Variants in PDE7B observed in about 807,000 individuals in gnomAD.
The protein encoded by PDE7B is 3',5'-cyclic-AMP phosphodiesterase 7B.
Under a neutral mutation model 56.2 loss-of-function variants are expected in PDE7B, and 29 were observed. The ratio of observed to expected loss-of-function variants is 0.52; its 90% CI spans 0.38 to 0.70. PDE7B has a LOEUF of 0.70. Ranked by LOEUF, PDE7B falls within the 30% of genes least tolerant of loss-of-function variation. PDE7B has a pLI of 0.00. For missense variants in PDE7B, 490 were observed against 565.0 expected, an observed-to-expected ratio of 0.87 and a Z score of 1.35; for synonymous variants, 197 against 196.9, an observed-to-expected ratio of 1.00 and a Z score of 0.00.
At chr6:135,935,094 T>G (rs1774387976) in intron 1 of PDE7B, among the ~76,000 whole-genome samples, 8 of 87,872 alleles carry the variant, frequency 9.1e-5, no homozygotes, top group African/African-American at 4.0e-4. Context: ...ATATATAATA[T>G]ATATTTCTCT....
intron 2 of PDE7B, among the ~76,000 whole-genome samples, chr6:136,074,894 T>C (rs750532401): frequency 6.6e-6 from 1 of 152,168 alleles, no homozygotes; most frequent in Non-Finnish European, 1.5e-5. Flanking sequence ...CACATGGGAG[T>C]GCAGGGAGCT....
At chr6:135,852,583 T>C (rs1221471828) in intron 1 of PDE7B, among the ~76,000 whole-genome samples, 1 of 152,184 alleles carries the variant, frequency 6.6e-6, no homozygotes, top group Non-Finnish European at 1.5e-5. Context: ...AAAAATGAGC[T>C]CTGAAGAAAA....
At chr6:135,993,944 T>G (rs1775517393) in intron 2 of PDE7B, among the ~76,000 whole-genome samples, 1 of 152,156 alleles carries the variant, frequency 6.6e-6, no homozygotes, top group Non-Finnish European at 1.5e-5. Context: ...TATAATTAAC[T>G]TGAGTAAGCA....
intron 3 of PDE7B, among the ~76,000 whole-genome samples, chr6:136,109,724 T>G (rs147003526): frequency 6.6e-6 from 1 of 152,314 alleles, no homozygotes; most frequent in African/African-American, 2.4e-5. Context: ...ATCTTAGGTT[T>G]CTTTGCAAAC....
intron 1 of PDE7B, among the ~76,000 whole-genome samples, chr6:135,884,020 A>G (rs1231344906): frequency 2.0e-5 from 3 of 152,196 alleles, no homozygotes; most frequent in Admixed American, 6.6e-5. Context: ...GAATATGACT[A>G]TATTTTATAA....
chr6:136,048,252 G>A lies in PDE7B; in HGVS notation c.83-60479G>A, dbSNP rs139082146. Among the ~76,000 whole-genome samples, 1,090 of 152,288 alleles carry A rather than the reference G, an allele frequency of 7.2e-3. 10 individuals carry two copies. Among genetic ancestry groups the A allele is most frequent in the Middle Eastern group, 0.041 (12 of 294 alleles). On this transcript the variant is annotated intron_variant, in intron 2 of 12. Transcript: ENST00000308191. ...AGAAAGGAGATGATGGGCTGGGCGCGGTGGCTCACGGCTATAACATCAGCA... is the reference window on the plus strand; with the variant it reads ...AGAAAGGAGATGATGGGCTGGGCGCAGTGGCTCACGGCTATAACATCAGCA...
intron 2 of PDE7B, among the ~76,000 whole-genome samples, chr6:136,005,068 A>G (rs1775753287): frequency 6.6e-6 from 1 of 152,220 alleles, no homozygotes; most frequent in Non-Finnish European, 1.5e-5. Flanking sequence ...CAACTATCTG[A>G]TCTTTGACAA....
intron 2 of PDE7B, among the ~76,000 whole-genome samples, chr6:136,022,683 C>T (rs769951432): frequency 1.3e-5 from 2 of 152,196 alleles, no homozygotes; most frequent in Admixed American, 6.5e-5. Context: ...TGCAGTGATA[C>T]TCACTGTGCA....
chr6:135,893,463 TATC>T lies in PDE7B; in HGVS notation c.21+41447_21+41449del, dbSNP rs567185766. Among the ~76,000 whole-genome samples, 612 of 152,162 alleles carry T rather than the reference TATC, an allele frequency of 4.0e-3. 3 individuals are homozygous for T. Among genetic ancestry groups the T allele is most frequent in the Non-Finnish European group, 6.8e-3 (460 of 67,988 alleles). ...TGTGCCACATTTTCTTAATCCAGTC[TATC>T]ATTGTTGGACACTTGGGTTGGTTCC... On this transcript the variant is annotated intron_variant, in intron 1 of 12. Coordinates refer to ENST00000308191, the MANE Select transcript of PDE7B (RefSeq NM_018945.4).
At chr6:135,945,517 G>A (rs1774581576) in intron 1 of PDE7B, among the ~76,000 whole-genome samples, 1 of 152,026 alleles carries the variant, frequency 6.6e-6, no homozygotes, top group Non-Finnish European at 1.5e-5. Flanking sequence ...AAAAAAAATG[G>A]ATTGATTTGA....
chr6:136,108,125 C>CAAA (rs60727586), intron 2 of PDE7B, among the ~76,000 whole-genome samples: 1,786 of 108,520 alleles, frequency 0.016, 72 homozygotes, highest in African/African-American at 0.062. Context: ...GACTCCATGT[C>CAAA]AAAAAAAAAA....
intron 4 of PDE7B, among the ~76,000 whole-genome samples, chr6:136,148,399 A>G (rs1562505775): frequency 7.2e-6 from 1 of 138,316 alleles, no homozygotes; most frequent in Non-Finnish European, 1.5e-5. Context: ...AGGAAAGGAA[A>G]GAAAGAAGGA....
chr6:135,884,014 AT>A (rs1775657041), intron 1 of PDE7B, among the ~76,000 whole-genome samples: 1 of 152,222 alleles, frequency 6.6e-6, no homozygotes, highest in South Asian at 2.1e-4. Flanking sequence ...TACACTGAAT[AT>A]GACTATATTT....
In PDE7B at chr6:136,191,037, T is replaced by TA. The variant is rs1554286150; in HGVS notation, c.1127-576dup. 7.8e-4 allele frequency among the ~76,000 whole-genome samples: 112 copies of TA among 143,154 alleles called. 2 individuals are homozygous for TA. Among genetic ancestry groups the TA allele is most frequent in the African/African-American group, 2.8e-3 (99 of 34,816 alleles). The allele number at this position is 143,154 out of a possible 152,430, so 93.9% of individuals were successfully genotyped here. A position where few individuals can be genotyped will look rare whatever the true frequency, so the allele number is the denominator to read the frequency against. On this transcript the variant is annotated intron_variant, in intron 12 of 12. Transcript: ENST00000308191. Reference sequence around the variant, plus strand: ...ACTTTTTTTTTTTTTTTTTTTTTTTTACTTATATGTCTTTCTCCCTCTGCA... The same window carrying TA: ...ACTTTTTTTTTTTTTTTTTTTTTTTTAACTTATATGTCTTTCTCCCTCTGCA...
rs112390574 is a variant in PDE7B at position 135,981,538 on chromosome 6, C to CA, written c.82+34026dup. On this transcript the variant is annotated intron_variant, in intron 2 of 12. Coordinates refer to ENST00000308191, the MANE Select transcript of PDE7B (RefSeq NM_018945.4). Reference sequence around the variant, plus strand: ...AAATAAAATTACTACTTTTCAATTTCAAAAAAAAAAAACCGAGACACAAAT... The same window carrying CA: ...AAATAAAATTACTACTTTTCAATTTCAAAAAAAAAAAAACCGAGACACAAAT... Among the ~76,000 whole-genome samples, 722 of 137,438 alleles carry CA rather than the reference C, an allele frequency of 5.3e-3. 3 individuals carry two copies. Among genetic ancestry groups the CA allele is most frequent in the Non-Finnish European group, 6.6e-3 (415 of 62,722 alleles). The allele number at this position is 137,438 out of a possible 152,430, so 90.2% of individuals were successfully genotyped here. A position where few individuals can be genotyped will look rare whatever the true frequency, so the allele number is the denominator to read the frequency against.
intron 1 of PDE7B, among the ~76,000 whole-genome samples, chr6:135,884,590 C>T (rs1775668668): frequency 6.6e-6 from 1 of 152,168 alleles, no homozygotes; most frequent in African/African-American, 2.4e-5. Context: ...ATAACACTTG[C>T]TGGTCTTATT....
intron 2 of PDE7B, among the ~76,000 whole-genome samples, chr6:135,982,813 C>G (rs1775318450): frequency 6.6e-6 from 1 of 152,100 alleles, no homozygotes; most frequent in African/African-American, 2.4e-5. Flanking sequence ...TGCCATACTT[C>G]TGGCTCCTGG....
chr6:136,138,787 G>C (rs1280976667), intron 3 of PDE7B, among the ~76,000 whole-genome samples: 1 of 152,098 alleles, frequency 6.6e-6, no homozygotes, highest in African/African-American at 2.4e-5. Context: ...TTGCCCATCT[G>C]AGAGGGCAGG....
intron 2 of PDE7B, among the ~76,000 whole-genome samples, chr6:135,952,286 T>G (rs962037665): frequency 6.6e-6 from 1 of 152,196 alleles, no homozygotes; most frequent in African/African-American, 2.4e-5. Flanking sequence ...ATGATACCAA[T>G]GGTGTTTAGA....
Sources: gnomAD v4.1 joint callset for allele counts (sites outside exome capture counted in the v4.1 genomes callset) on GRCh38, gnomAD v4.1.1 for gene constraint, MANE v1.5 for transcripts, NCBI Gene and HGNC (gene_info 2026-07-23, HGNC 2026-07-21) for gene names.